LINGO2: variants seen among roughly 807,000 people sequenced by gnomAD.
The protein encoded by LINGO2 is leucine rich repeat and Ig domain containing 2, also known as leucine-rich repeat and immunoglobulin-like domain-containing nogo receptor-interacting protein 2.
A neutral mutation model predicts 30.6 loss-of-function variants in LINGO2; 14 were observed. The ratio of observed to expected loss-of-function variants is 0.46; its 90% CI spans 0.30 to 0.72. The LOEUF (loss-of-function observed/expected upper bound fraction) is 0.72, where lower values mean the gene tolerates loss of function less well. LINGO2 is among the 30% of genes least tolerant of loss of function. The pLI is 0.07. For missense variants in LINGO2, 729 were observed against 751.7 expected, an observed-to-expected ratio of 0.97 and a Z score of 0.35; for synonymous variants, 317 against 288.5, an observed-to-expected ratio of 1.10 and a Z score of -1.00.
the LINGO2 span, among the ~76,000 whole-genome samples, chr9:29,128,529 G>T: frequency 6.6e-6 from 1 of 152,114 alleles, no homozygotes; most frequent in Non-Finnish European, 1.5e-5. Context: ...CATGTATACA[G>T]GCTTTTGTAC....
intron 2 of LINGO2, among the ~76,000 whole-genome samples, chr9:28,401,631 A>G (rs1255231523): frequency 1.3e-5 from 2 of 152,150 alleles, no homozygotes; most frequent in African/African-American, 4.8e-5. Flanking sequence ...AATAATTTAT[A>G]ATACTTTGGG....
the LINGO2 span, among the ~76,000 whole-genome samples, chr9:28,999,922 C>G: frequency 6.6e-6 from 1 of 151,930 alleles, no homozygotes; most frequent in Non-Finnish European, 1.5e-5. Flanking sequence ...AGATCTGGCT[C>G]TTTCCACTCA....
At chr9:28,632,191 A>G (rs1304429719) in intron 1 of LINGO2, among the ~76,000 whole-genome samples, 1 of 152,168 alleles carries the variant, frequency 6.6e-6, no homozygotes, top group Non-Finnish European at 1.5e-5. Flanking sequence ...ATTTAATCAC[A>G]TGGCAAACTC....
chr9:28,142,976 A>G (rs1035455167), intron 4 of LINGO2, among the ~76,000 whole-genome samples: 1 of 152,130 alleles, frequency 6.6e-6, no homozygotes, highest in African/African-American at 2.4e-5. Flanking sequence ...TGTTATTGAA[A>G]AGTCTATATC....
At chr9:28,371,852 A>G (rs1008053643) in intron 3 of LINGO2, among the ~76,000 whole-genome samples, 7 of 152,158 alleles carry the variant, frequency 4.6e-5, no homozygotes, top group African/African-American at 1.7e-4. Context: ...TGTTAGGGAA[A>G]CTATGCTCAT....
chr9:28,412,976 T>G (rs1320988177), intron 2 of LINGO2, among the ~76,000 whole-genome samples: 1 of 152,106 alleles, frequency 6.6e-6, no homozygotes, highest in Non-Finnish European at 1.5e-5. Flanking sequence ...AAGATCTTCA[T>G]GATGATTCAA....
Position 28,062,199 on chromosome 9 carries a change from C to T in LINGO2, c.-86-49794G>A, listed in dbSNP as rs139425231. The stretch of plus-strand genomic sequence containing the variant: ...CAGATCGAATGCTGACATACCTTAC[C>T]AGATTCCCATAGAATGCAGTATTGA... On this transcript the variant is annotated intron_variant, in intron 4 of 5. Coordinates refer to ENST00000379992, the Ensembl canonical transcript of LINGO2. Among the ~76,000 whole-genome samples the T allele has an allele frequency of 5.5e-3, 835 of 152,052 alleles. 14 individuals are homozygous for T. The highest frequency in any genetic ancestry group is 0.019 in the African/African-American group (795 of 41,516).
intron 4 of LINGO2, among the ~76,000 whole-genome samples, chr9:28,232,196 C>T (rs1035899506): frequency 2.0e-5 from 3 of 151,876 alleles, no homozygotes; most frequent in African/African-American, 2.4e-5. Flanking sequence ...GTCAGGAGTT[C>T]GAGACCAGTC....
chr9:28,543,711 T>G (rs1234822366), intron 1 of LINGO2, among the ~76,000 whole-genome samples: 2 of 152,102 alleles, frequency 1.3e-5, no homozygotes, highest in Non-Finnish European at 2.9e-5. Flanking sequence ...CTTGAAAGAT[T>G]GTAGAACATT....
chr9:28,075,263 GT>G (rs1316245997), intron 4 of LINGO2, among the ~76,000 whole-genome samples: 3 of 151,910 alleles, frequency 2.0e-5, no homozygotes. Flanking sequence ...CCAACATACT[GT>G]TTATTAGATT....
chr9:28,736,261 CT>C, the LINGO2 span, among the ~76,000 whole-genome samples: 1 of 152,130 alleles, frequency 6.6e-6, no homozygotes, highest in African/African-American at 2.4e-5. Context: ...TGAAATTAGG[CT>C]CATAATTTTC....
the LINGO2 span, among the ~76,000 whole-genome samples, chr9:29,066,288 G>A: frequency 3.3e-5 from 5 of 151,878 alleles, no homozygotes; most frequent in East Asian, 7.7e-4. Context: ...GTGATACGTC[G>A]CAAGAGAAGA....
chr9:28,169,246 A>G (rs1587129173), intron 4 of LINGO2, among the ~76,000 whole-genome samples: 4 of 152,322 alleles, frequency 2.6e-5, no homozygotes, highest in South Asian at 2.1e-4. Context: ...CACATGATCA[A>G]ACTCAAACCA....
chr9:29,024,722 C>T, the LINGO2 span, among the ~76,000 whole-genome samples: 2 of 152,124 alleles, frequency 1.3e-5, no homozygotes, highest in Non-Finnish European at 2.9e-5. Flanking sequence ...TGCATAATGA[C>T]ATAACCCCTA....
chr9:29,164,982 G>T, the LINGO2 span, among the ~76,000 whole-genome samples: 24 of 152,054 alleles, frequency 1.6e-4, no homozygotes, highest in Admixed American at 1.3e-3. Context: ...CAGCCTCTTA[G>T]ATTTTTGTTA....
rs1372311108 is a variant in LINGO2 at position 28,488,644 on chromosome 9, AG to A, written c.-364-12620del. On this transcript the variant is annotated intron_variant, in intron 1 of 5. Transcript: ENST00000379992. ...TTCATATACTTGTGAGAATCAAAGGAGTTTTTTTGTGTATTTGGAACATAAT... is the reference window on the plus strand; with the variant it reads ...TTCATATACTTGTGAGAATCAAAGGATTTTTTTGTGTATTTGGAACATAAT... Among the ~76,000 whole-genome samples the A allele has an allele frequency of 2.6e-4, 40 of 152,280 alleles. 1 individual carries two copies. Among genetic ancestry groups the A allele is most frequent in the Middle Eastern group, 6.8e-3 (2 of 294 alleles).
intron 1 of LINGO2, among the ~76,000 whole-genome samples, chr9:28,592,085 A>G (rs1824940362): frequency 6.6e-6 from 1 of 152,070 alleles, no homozygotes; most frequent in Non-Finnish European, 1.5e-5. Flanking sequence ...TTAATTTAGG[A>G]AAATGGAGTA....
At chr9:28,417,190 C>A (rs535356370) in intron 2 of LINGO2, among the ~76,000 whole-genome samples, 21 of 152,252 alleles carry the variant, frequency 1.4e-4, no homozygotes, top group African/African-American at 5.1e-4. Flanking sequence ...GCAAGGCCAA[C>A]TTGTTTCTGG....
At chr9:29,115,072 A>G in the LINGO2 span, among the ~76,000 whole-genome samples, 4 of 152,296 alleles carry the variant, frequency 2.6e-5, no homozygotes, top group African/African-American at 9.6e-5. Flanking sequence ...CATAAAATTA[A>G]AGCTAATACC....
Sources: allele counts gnomAD v4.1 joint callset (sites outside exome capture counted in the v4.1 genomes callset), GRCh38; gene constraint gnomAD v4.1.1; transcripts MANE v1.5; gene names NCBI Gene and HGNC (gene_info 2026-07-23, HGNC 2026-07-21).